Variants in KASH5 observed in about 807,000 individuals in gnomAD.
KASH5 encodes KASH domain containing 5, also known as protein KASH5.
In KASH5, 72 loss-of-function variants were observed where a neutral mutation model predicts 84.2. The ratio of observed to expected loss-of-function variants is 0.85; its 90% CI spans 0.71 to 1.04. The LOEUF (loss-of-function observed/expected upper bound fraction) is 1.04. Ranked by LOEUF, KASH5 falls within the 50% of genes least tolerant of loss-of-function variation. KASH5 has a pLI of 0.00. For missense variants in KASH5, 650 were observed against 701.0 expected (o/e 0.93, Z 0.82); for synonymous variants, 260 against 279.1 (o/e 0.93, Z 0.68).
Position 49,417,443 on chromosome 19 carries a change from T to C in KASH5, c.1622T>C (p.Leu541Pro), listed in dbSNP as rs750766542. 3.2e-6 allele frequency: 5 copies of C among 1,555,642 alleles called. No individual in the cohort carries two copies. Among genetic ancestry groups the C allele is most frequent in the Non-Finnish European group, 3.5e-6 (4 of 1,149,756 alleles). Residue 541 changes from leucine to proline, a missense_variant, in exon 20 of 20, where the codon CTT (leucine) becomes CCT (proline). Physicochemically the swap from Leu to Pro is moderately conservative, Grantham distance 98. Transcript: ENST00000447857. The surrounding 1 kb of genome is among the most constrained non-coding windows in gnomAD (Gnocchi z 5.2). ...CTGCTGCTGCTCTCTGTCCTGCTGC[T>C]TGGCCCGTCCCCACCTCCCACCTGG... ...LLLLLLSVLL[L>P]GPSPPPTWPH...
intron 17 of KASH5, chr19:49,415,430 T>C: frequency 3.8e-6 from 1 of 261,358 alleles, no homozygotes; most frequent in Non-Finnish European, 7.5e-6. Context: ...GTTCCTCTGC[T>C]CCTCAGAGCC....
intron 14 of KASH5, 71 bp downstream of exon 14, chr19:49,409,354 T>C: frequency 6.8e-7 from 1 of 1,478,876 alleles, no homozygotes; most frequent in Non-Finnish European, 9.3e-7. Context: ...CCTACTCTGA[T>C]CCTCACACCA....
chr19:49,397,854 AGAG>A (rs1974232317), intron 6 of KASH5, 125 bp from the exon 7 acceptor site: 9 of 1,425,382 alleles, frequency 6.3e-6, no homozygotes, highest in Non-Finnish European at 8.7e-6. Flanking sequence ...CAGGGAGAGC[AGAG>A]GAGTCTCTCT....
At position 49,399,713 on chromosome 19, in the gene KASH5, G is replaced by T. The variant is rs1974301106; in HGVS notation, c.798+206G>T. 1 of 1,412,320 alleles carries T rather than the reference G, an allele frequency of 7.1e-7. No individual in the cohort carries two copies. Among genetic ancestry groups the T allele is most frequent in the African/African-American group, 1.4e-5 (1 of 69,910 alleles). The allele number at this position is 1,412,320 out of a possible 1,614,324, so 87.5% of individuals were successfully genotyped here. On this transcript the variant is annotated intron_variant, in intron 9 of 19. Coordinates refer to ENST00000447857, the MANE Select transcript of KASH5 (RefSeq NM_144688.5). This position sits in a 1 kb window ranked among gnomAD's most constrained non-coding sequence, Gnocchi z 4.4. ...GTGAGGCATGGGGTCAGCCTACATGGCTTCAGGCTGAGGCCACCTACATAA... is the reference window on the plus strand; with the variant it reads ...GTGAGGCATGGGGTCAGCCTACATGTCTTCAGGCTGAGGCCACCTACATAA...
intron 5 of KASH5, among the ~76,000 whole-genome samples, chr19:49,396,554 G>A (rs567453689): frequency 3.3e-5 from 5 of 152,160 alleles, no homozygotes; most frequent in Admixed American, 6.6e-5. Flanking sequence ...GCGCCAAGCC[G>A]TCATCCACTC....
chr19:49,400,547 G>A (rs1235471978), intron 9 of KASH5, among the ~76,000 whole-genome samples: 1 of 151,178 alleles, frequency 6.6e-6, no homozygotes, highest in Non-Finnish European at 1.5e-5. Context: ...TTTTTTTGTT[G>A]GTTGGTTGGT....
chr19:49,407,700 C>T (rs368913785), intron 12 of KASH5, 29 bp downstream of exon 12: 6 of 1,577,674 alleles, frequency 3.8e-6, no homozygotes, highest in Middle Eastern at 1.7e-4. Context: ...CCACCCACCG[C>T]GGCCCTCGCC....
chr19:49,401,417 C>A (rs1185703043), intron 9 of KASH5, among the ~76,000 whole-genome samples: 1 of 152,204 alleles, frequency 6.6e-6, no homozygotes, highest in South Asian at 2.1e-4. Context: ...CCAAACCCCA[C>A]CCAGGCCTTG....
At chr19:49,393,057 G>A (rs761570413) in intron 2 of KASH5, among the ~76,000 whole-genome samples, 1 of 152,134 alleles carries the variant, frequency 6.6e-6, no homozygotes, top group Non-Finnish European at 1.5e-5. Context: ...TTCACTCACT[G>A]CAGAGAATCC....
At chr19:49,390,362 C>T (rs1777344687) in intron 1 of KASH5, 1 of 154,822 alleles carries the variant, frequency 6.5e-6, no homozygotes, top group African/African-American at 2.4e-5. Flanking sequence ...CATGCAGGGC[C>T]TTGGCGTCAG....
rs1269764414 is a variant in KASH5, at chr19:49,414,487, C to A, written c.1329-464C>A. On this transcript the variant is annotated intron_variant, in intron 16 of 19. Coordinates refer to ENST00000447857, the MANE Select transcript of KASH5 (RefSeq NM_144688.5). The surrounding 1 kb of genome is among the most constrained non-coding windows in gnomAD (Gnocchi z 4.5). ...CACGTGCTCTGGGGTCTTACAGAGG[C>A]CTGAATCTCTGGTATTTTGGAGGGT... is the stretch of plus-strand genomic sequence containing the variant. 2.0e-5 allele frequency among the ~76,000 whole-genome samples: 3 copies of A among 151,938 alleles called. No homozygotes were observed. The highest frequency in any genetic ancestry group is 7.3e-5 in the African/African-American group (3 of 41,324).
Position 49,397,711 on chromosome 19 carries a change from C to T in KASH5, c.461C>T (p.Pro154Leu), listed in dbSNP as rs376688533. 7.4e-6 allele frequency: 12 copies of T among 1,613,550 alleles called. No homozygotes were observed. The East Asian group carries it at 1.3e-4, about 18-fold the overall frequency. The change falls in exon 6 of 20, where the codon CCC becomes CTC. Residue 154 changes from proline (P) to leucine (L), a missense_variant. Pro to Leu is a moderately conservative substitution (Grantham distance 98). Transcript: ENST00000447857. Reference sequence around the variant, plus strand: ...AGCTTCGGAGGCGAAGACCCCAGACCCGAGCTGTACCTATCCTCACACCCC... The same window carrying T: ...AGCTTCGGAGGCGAAGACCCCAGACTCGAGCTGTACCTATCCTCACACCCC... ...LESFGGEDPRPELQATADLLS... is the reference protein window; with the variant it reads ...LESFGGEDPRLELQATADLLS...
chr19:49,402,059 C>G (rs1034295155), intron 9 of KASH5, among the ~76,000 whole-genome samples: 1 of 148,308 alleles, frequency 6.7e-6, no homozygotes, highest in Non-Finnish European at 1.5e-5. Flanking sequence ...CTGGCCAACA[C>G]GGTGAAGCCC....
At chr19:49,400,147 G>A (rs1445889665) in intron 9 of KASH5, among the ~76,000 whole-genome samples, 4 of 149,714 alleles carry the variant, frequency 2.7e-5, no homozygotes, top group South Asian at 2.1e-4. Context: ...AAGACTGCAC[G>A]AGCCCGGGAG....
At chr19:49,394,000 G>A (rs1974089849) in intron 2 of KASH5, among the ~76,000 whole-genome samples, 1 of 152,166 alleles carries the variant, frequency 6.6e-6, no homozygotes, top group South Asian at 2.1e-4. Flanking sequence ...AGAGAGACCT[G>A]GTCCCCAGGG....
At chr19:49,411,906 GGGAGGGAA>G (rs1210776993) in intron 15 of KASH5, among the ~76,000 whole-genome samples, 5 of 135,768 alleles carry the variant, frequency 3.7e-5, no homozygotes, top group African/African-American at 1.1e-4. Context: ...GAAGGAGGGA[GGGAGGGAA>G]GGAGGGAAGG....
intron 15 of KASH5, 42 bp downstream of exon 15, chr19:49,409,917 G>A (rs1377617058): frequency 2.5e-6 from 4 of 1,604,428 alleles, no homozygotes; most frequent in East Asian, 2.2e-5. Context: ...GCTGGAAAGG[G>A]GCCAGGAGCT....
intron 5 of KASH5, among the ~76,000 whole-genome samples, chr19:49,396,560 C>T (rs1027657375): frequency 5.1e-4 from 77 of 152,276 alleles, no homozygotes; most frequent in African/African-American, 1.8e-3. Flanking sequence ...AGCCGTCATC[C>T]ACTCCTCTGG....
chr19:49,417,472 C>T lies in KASH5; in HGVS notation c.1651C>T (p.His551Tyr). The change falls in exon 20 of 20, where the codon CAC (histidine) becomes TAC (tyrosine). Residue 551 changes from histidine to tyrosine, a missense_variant. Transcript: ENST00000447857. This position sits in a 1 kb window ranked among gnomAD's most constrained non-coding sequence, Gnocchi z 5.2. ...CCCGTCCCCACCTCCCACCTGGCCC[C>T]ACCTCCAGCTCTGCTACCTCCAGCC... ...LGPSPPPTWP[H>Y]LQLCYLQPPP... 6.4e-7 allele frequency: 1 copy of T among 1,553,010 alleles called. No individual in the cohort carries two copies. The highest frequency in any genetic ancestry group is 1.2e-5 in the South Asian group (1 of 84,078).
Sources: allele counts gnomAD v4.1 joint callset (sites outside exome capture counted in the v4.1 genomes callset), GRCh38; gene constraint gnomAD v4.1.1; non-coding constraint Gnocchi (gnomAD v3.1); transcripts MANE v1.5; gene names NCBI Gene and HGNC (gene_info 2026-07-23, HGNC 2026-07-21).